Variants in RBFOX1 observed in about 807,000 individuals in gnomAD.
RBFOX1 encodes the protein RNA binding fox-1 homolog 1, also known as RNA binding protein fox-1 homolog 1.
A neutral mutation model predicts 57.7 loss-of-function variants in RBFOX1; 8 were observed. That is an observed-to-expected ratio of 0.14 (90% CI 0.08 to 0.25). The LOEUF is 0.25. RBFOX1 is among the 10% of genes least tolerant of loss of function. The pLI is 1.00. For synonymous variants in RBFOX1, 326 were observed against 222.4 expected (o/e 1.47, Z -4.15); for missense variants, 611 against 548.5 (o/e 1.11, Z -1.14).
chr16:5,984,949 TATATATA>T (rs2060251484), intron 4 of RBFOX1, among the ~76,000 whole-genome samples: 2 of 48,924 alleles, frequency 4.1e-5, no homozygotes, highest in South Asian at 9.4e-4. Context: ...AACTCCATTA[TATATATA>T]TATATATATA....
At chr16:7,088,537 T>C (rs529657846) in intron 4 of RBFOX1, among the ~76,000 whole-genome samples, 67 of 64,572 alleles carry the variant, frequency 1.0e-3, no homozygotes, top group African/African-American at 2.1e-3. Flanking sequence ...TGTAGTTGTT[T>C]TTTGTTGTTT....
At chr16:7,647,605 G>A (rs1261987215) in intron 11 of RBFOX1, among the ~76,000 whole-genome samples, 1 of 151,772 alleles carries the variant, frequency 6.6e-6, no homozygotes, top group Non-Finnish European at 1.5e-5. Context: ...ATTGTTTGGT[G>A]TCTTTTTCCC....
intron 4 of RBFOX1, among the ~76,000 whole-genome samples, chr16:5,954,801 C>G (rs72770952): frequency 0.065 from 9,946 of 152,092 alleles, 370 homozygotes; most frequent in South Asian, 0.11. Flanking sequence ...CCTGCAGCCT[C>G]TTTACCTCTT....
intron 11 of RBFOX1, among the ~76,000 whole-genome samples, chr16:7,630,960 A>C (rs957098017): frequency 2.0e-5 from 3 of 152,196 alleles, no homozygotes; most frequent in African/African-American, 7.2e-5. Flanking sequence ...GCTTTAGCTC[A>C]TTGCCTGCCT....
intron 4 of RBFOX1, among the ~76,000 whole-genome samples, chr16:7,258,944 G>A (rs866932912): frequency 1.1e-4 from 16 of 152,316 alleles, no homozygotes; most frequent in Middle Eastern, 3.4e-3. Context: ...ATGGAAGAAA[G>A]ATGGGTCCTG....
At chr16:7,585,551 G>C (rs1044714775) in intron 6 of RBFOX1, among the ~76,000 whole-genome samples, 1 of 152,080 alleles carries the variant, frequency 6.6e-6, no homozygotes, top group Admixed American at 6.6e-5. Context: ...AAATATGTGC[G>C]TCTGTGATTC....
intron 3 of RBFOX1, among the ~76,000 whole-genome samples, chr16:6,891,811 C>A (rs1351773542): frequency 6.6e-6 from 1 of 152,172 alleles, no homozygotes; most frequent in Admixed American, 6.5e-5. Flanking sequence ...AAGGTTGAGC[C>A]AGCCTAATGT....
At chr16:6,769,653 C>T (rs1252837110) in intron 3 of RBFOX1, among the ~76,000 whole-genome samples, 1 of 152,190 alleles carries the variant, frequency 6.6e-6, no homozygotes, top group African/African-American at 2.4e-5. Flanking sequence ...ATGTATAATA[C>T]GAGTGTATCT....
chr16:5,884,360 G>A (rs1041055815), intron 4 of RBFOX1, among the ~76,000 whole-genome samples: 1 of 152,092 alleles, frequency 6.6e-6, no homozygotes, highest in African/African-American at 2.4e-5. Context: ...TGGCTTCCCA[G>A]ACTAATTTCA....
intron 1 of RBFOX1, among the ~76,000 whole-genome samples, chr16:5,464,567 G>T (rs1213566104): frequency 6.6e-6 from 1 of 152,248 alleles, no homozygotes; most frequent in Non-Finnish European, 1.5e-5. Flanking sequence ...CTCCTTCAGA[G>T]CTGTAGCTTT....
intron 1 of RBFOX1, among the ~76,000 whole-genome samples, chr16:5,368,954 G>A (rs978177589): frequency 1.3e-5 from 2 of 152,266 alleles, no homozygotes; most frequent in Admixed American, 1.3e-4. Flanking sequence ...TTTAGCTCAC[G>A]TTCTTGGTAT....
At chr16:7,114,905 T>G (rs1200028263) in intron 4 of RBFOX1, among the ~76,000 whole-genome samples, 1 of 152,184 alleles carries the variant, frequency 6.6e-6, no homozygotes, top group African/African-American at 2.4e-5. Context: ...AACCAAAATT[T>G]GGAAAATTGT....
chr16:5,787,819 A>C (rs998700251), intron 3 of RBFOX1, among the ~76,000 whole-genome samples: 2 of 152,204 alleles, frequency 1.3e-5, no homozygotes, highest in African/African-American at 4.8e-5. Context: ...ACACGTTGAC[A>C]AGAGGTAGCA....
At chr16:7,302,359 G>C (rs2096055242) in intron 4 of RBFOX1, among the ~76,000 whole-genome samples, 1 of 152,190 alleles carries the variant, frequency 6.6e-6, no homozygotes, top group Admixed American at 6.5e-5. Context: ...AGCCTGCAAA[G>C]TGAGTTGTGC....
intron 3 of RBFOX1, among the ~76,000 whole-genome samples, chr16:5,824,963 A>C (rs1441969290): frequency 6.6e-6 from 1 of 152,152 alleles, no homozygotes; most frequent in Non-Finnish European, 1.5e-5. Context: ...TCTTACTGTG[A>C]GGGTCAACAC....
downstream of RBFOX1, among the ~76,000 whole-genome samples, chr16:5,600,445 C>T (rs974313064): frequency 1.4e-5 from 2 of 147,038 alleles, no homozygotes; most frequent in African/African-American, 5.1e-5. Context: ...ATGATTATGC[C>T]ACTGCACTCC....
At chr16:6,386,160 G>T (rs111695930) in intron 2 of RBFOX1, among the ~76,000 whole-genome samples, 22,119 of 151,974 alleles carry the variant, frequency 0.15, 2,292 homozygotes, top group African/African-American at 0.29. Flanking sequence ...TGGTCTCGAT[G>T]TCCTGGCCTC....
Position 7,288,715 on chromosome 16 carries a change from C to A in RBFOX1, c.28-229432C>A, listed in dbSNP as rs114652731. 5.5e-3 allele frequency among the ~76,000 whole-genome samples: 836 copies of A among 152,282 alleles called. 7 individuals carry two copies. Among genetic ancestry groups the A allele is most frequent in the African/African-American group, 0.019 (776 of 41,552 alleles). On this transcript the variant is annotated intron_variant, in intron 4 of 15. Transcript: ENST00000550418. ...AATTAGCCAGGCATGATGGCACATG[C>A]CAATAATCCCGGCTACATTGGAGGC... is the stretch of plus-strand genomic sequence containing the variant.
chr16:5,611,349 C>G (rs1168174986), intron 3 of RBFOX1: 1 of 152,136 alleles, frequency 6.6e-6, no homozygotes, highest in East Asian at 1.9e-4. Context: ...TTTCTCATTT[C>G]TGACACATCT....
Sources: gnomAD v4.1 joint callset for allele counts (sites outside exome capture counted in the v4.1 genomes callset) on GRCh38, gnomAD v4.1.1 for gene constraint, MANE v1.5 for transcripts, NCBI Gene and HGNC (gene_info 2026-07-23, HGNC 2026-07-21) for gene names.